DACH1: variants seen among roughly 807,000 people sequenced by gnomAD.
The protein encoded by DACH1 is dachshund homolog 1.
DACH1 carries 12 observed loss-of-function variants against 54.2 expected under a neutral mutation model. The ratio of observed to expected loss-of-function variants is 0.22; its 90% CI spans 0.14 to 0.36. The LOEUF (loss-of-function observed/expected upper bound fraction) is 0.36. DACH1 is among the 10% of genes least tolerant of loss of function. DACH1 has a pLI of 1.00. For synonymous variants in DACH1, 386 were observed against 366.2 expected, an observed-to-expected ratio of 1.05 and a Z score of -0.62; for missense variants, 805 against 929.8, an observed-to-expected ratio of 0.87 and a Z score of 1.75.
At chr13:71,488,538 A>C (rs778516781) in intron 7 of DACH1, among the ~76,000 whole-genome samples, 8 of 152,120 alleles carry the variant, frequency 5.3e-5, no homozygotes, top group Admixed American at 1.3e-4. Flanking sequence ...TTATGAAAGA[A>C]GGCATTTTTT....
intron 4 of DACH1, among the ~76,000 whole-genome samples, chr13:71,567,455 AAGTC>A (rs1371500720): frequency 3.3e-5 from 5 of 152,016 alleles, no homozygotes; most frequent in African/African-American, 4.8e-5. Context: ...AAAAAATAGA[AAGTC>A]AGAGAGACAG....
At chr13:71,461,188 AT>A (rs1876038972) in intron 10 of DACH1, among the ~76,000 whole-genome samples, 1 of 152,176 alleles carries the variant, frequency 6.6e-6, no homozygotes, top group Admixed American at 6.6e-5. Flanking sequence ...ATCCTTTGCA[AT>A]ATTTATACCA....
intron 1 of DACH1, among the ~76,000 whole-genome samples, chr13:71,740,214 A>C (rs2160419): frequency 2.0e-5 from 3 of 152,192 alleles, no homozygotes; most frequent in Non-Finnish European, 4.4e-5. Flanking sequence ...CACATCTGGC[A>C]TATCTTCTTC....
At chr13:71,545,488 T>G (rs561779943) in intron 6 of DACH1, among the ~76,000 whole-genome samples, 1 of 150,702 alleles carries the variant, frequency 6.6e-6, no homozygotes, top group East Asian at 2.0e-4. Context: ...TTATCACGAT[T>G]TTTAAATAAA....
At chr13:71,744,333 C>T (rs2137956265) in intron 1 of DACH1, among the ~76,000 whole-genome samples, 1 of 152,278 alleles carries the variant, frequency 6.6e-6, no homozygotes, top group Non-Finnish European at 1.5e-5. Flanking sequence ...CCATCTTCTG[C>T]ATTGGTTAGC....
At chr13:71,447,283 G>A (rs1874552042) in intron 10 of DACH1, among the ~76,000 whole-genome samples, 1 of 151,920 alleles carries the variant, frequency 6.6e-6, no homozygotes, top group Non-Finnish European at 1.5e-5. Flanking sequence ...GACCCAGTAA[G>A]TATATAGATT....
intron 1 of DACH1, among the ~76,000 whole-genome samples, chr13:71,816,887 AC>A (rs1887983417): frequency 6.6e-6 from 1 of 151,964 alleles, no homozygotes; most frequent in African/African-American, 2.4e-5. Context: ...ATAGAGGGAA[AC>A]AACACACTCA....
intron 1 of DACH1, among the ~76,000 whole-genome samples, chr13:71,714,064 T>C (rs1882860373): frequency 6.6e-6 from 1 of 152,098 alleles, no homozygotes; most frequent in African/African-American, 2.4e-5. Context: ...ATATTAACTA[T>C]TATGAATTAC....
At chr13:71,589,149 C>G (rs182174593) in intron 3 of DACH1, among the ~76,000 whole-genome samples, 1 of 151,938 alleles carries the variant, frequency 6.6e-6, no homozygotes, top group Non-Finnish European at 1.5e-5. Flanking sequence ...TTCAAGAAAG[C>G]TGCTTTTAGT....
Position 71,779,254 on chromosome 13 carries a change from C to T in DACH1, c.848+86668G>A, listed in dbSNP as rs1102214. Among the ~76,000 whole-genome samples the T allele has an allele frequency of 3.0e-3, 215 of 71,742 alleles. 1 individual carries two copies. The highest frequency in any genetic ancestry group is 5.3e-3 in the African/African-American group (97 of 18,176). The allele number at this position is 71,742 out of a possible 152,430, so 47.1% of individuals were successfully genotyped here. On this transcript the variant is annotated intron_variant, in intron 1 of 10. Transcript: ENST00000613252. ...ATATATACACATATATACGTATATA[C>T]GTATATATGTGTATATATACGTATA... is the stretch of plus-strand genomic sequence containing the variant.
At chr13:71,790,591 A>C (rs547274288) in intron 1 of DACH1, among the ~76,000 whole-genome samples, 1 of 152,314 alleles carries the variant, frequency 6.6e-6, no homozygotes, top group East Asian at 1.9e-4. Flanking sequence ...CTAGAGTTAA[A>C]TATTATGAGA....
At chr13:71,444,119 A>G (rs1337408917) in intron 10 of DACH1, among the ~76,000 whole-genome samples, 1 of 152,154 alleles carries the variant, frequency 6.6e-6, no homozygotes. Flanking sequence ...AAAAATAAAC[A>G]GAACAAAAAT....
At chr13:71,519,186 T>A (rs1881385089) in intron 6 of DACH1, among the ~76,000 whole-genome samples, 1 of 151,922 alleles carries the variant, frequency 6.6e-6, no homozygotes, top group Admixed American at 6.6e-5. Flanking sequence ...TTCTAAATAG[T>A]CTAGTTCTGG....
chr13:71,866,851 G>T lies in DACH1; in HGVS notation c.-82C>A. On this transcript the variant is annotated 5_prime_UTR_variant, in exon 1 of 11. Transcript: ENST00000613252. ...CCCCCGGGAGGGGAAGGGGAAAAAA[G>T]GGGGGAGAAGGAGCGAGGGGGGCAA... 3 of 1,125,002 alleles carry T rather than the reference G, an allele frequency of 2.7e-6. No individual in the cohort carries two copies. The highest frequency in any genetic ancestry group is 4.5e-5 in the East Asian group (1 of 22,466). 69.7% of individuals were successfully genotyped at this position (1,125,002 alleles called of 1,614,324 possible). A position where few individuals can be genotyped will look rare whatever the true frequency, so the allele number is the denominator to read the frequency against.
At chr13:71,559,703 A>C in intron 5 of DACH1, 117 bp downstream of exon 5, 1 of 1,322,950 alleles carries the variant, frequency 7.6e-7, no homozygotes, top group Admixed American at 2.0e-5. Context: ...CTATTGCTAC[A>C]GAGTTTCAGA....
intron 10 of DACH1, among the ~76,000 whole-genome samples, chr13:71,472,131 G>GT (rs1420125614): frequency 1.3e-5 from 2 of 152,076 alleles, no homozygotes; most frequent in African/African-American, 2.4e-5. Context: ...CCTGGAAGAA[G>GT]TTTTTTTAAA....
At chr13:71,610,231 T>C (rs1007461773) in intron 3 of DACH1, among the ~76,000 whole-genome samples, 1 of 152,184 alleles carries the variant, frequency 6.6e-6, no homozygotes, top group African/African-American at 2.4e-5. Context: ...CTATCTGATC[T>C]GATATTAAAT....
rs768010399 is a variant in DACH1 at position 71,592,513 on chromosome 13, A to AAAAAAG, written c.1127-19502_1127-19501insCTTTTT. Among the ~76,000 whole-genome samples, 419 of 145,722 alleles carry AAAAAAG rather than the reference A, an allele frequency of 2.9e-3. 5 individuals carry two copies. Among genetic ancestry groups the AAAAAAG allele is most frequent in the African/African-American group, 9.5e-3 (373 of 39,212 alleles). ...CTATCTCAAAAAAAAAAAAAAAAAA[A>AAAAAAG]AAAAGAAAAGAAAAAAAGAAAAGAA... On this transcript the variant is annotated intron_variant, in intron 3 of 10. Coordinates refer to ENST00000613252, the MANE Select transcript of DACH1 (RefSeq NM_080759.6).
At chr13:71,462,488 G>A (rs967030659) in intron 10 of DACH1, among the ~76,000 whole-genome samples, 2 of 151,460 alleles carry the variant, frequency 1.3e-5, no homozygotes, top group Non-Finnish European at 2.9e-5. Flanking sequence ...GCTCAATCAT[G>A]CCTCAAAGAA....
Sources: gnomAD v4.1 joint callset for allele counts (sites outside exome capture counted in the v4.1 genomes callset) on GRCh38, gnomAD v4.1.1 for gene constraint, MANE v1.5 for transcripts, NCBI Gene and HGNC (gene_info 2026-07-23, HGNC 2026-07-21) for gene names.